Variants in DCC observed in about 807,000 individuals in gnomAD.
The protein encoded by DCC is netrin receptor DCC.
A neutral mutation model predicts 172.5 loss-of-function variants in DCC; 58 were observed. That is an observed-to-expected ratio of 0.34 (90% CI 0.27 to 0.42). The LOEUF is 0.42. Among genes scored for constraint, DCC ranks in the 10% least tolerant of loss-of-function variants. DCC has a pLI of 1.00. For synonymous variants in DCC, 709 were observed against 644.5 expected, an observed-to-expected ratio of 1.10 and a Z score of -1.52; for missense variants, 1,740 against 1,791.0, an observed-to-expected ratio of 0.97 and a Z score of 0.51.
At chr18:52,966,745 C>G (rs186206630) in intron 5 of DCC, among the ~76,000 whole-genome samples, 1 of 152,138 alleles carries the variant, frequency 6.6e-6, no homozygotes, top group African/African-American at 2.4e-5. Context: ...CCCTTTGCCC[C>G]TTCAGGCCTA....
At position 53,114,806 on chromosome 18, in the gene DCC, A is replaced by G. The variant is rs139903611; in HGVS notation, c.1262-42550A>G. ...GCTCCTTGATTACATTTATGGTTGG[A>G]TTCACAAATTTATAAAAATAAGCCA... On this transcript the variant is annotated intron_variant, in intron 7 of 28. Transcript: ENST00000442544. Among the ~76,000 whole-genome samples, 219 of 151,734 alleles carry G rather than the reference A, an allele frequency of 1.4e-3. 1 individual carries two copies. Among genetic ancestry groups the G allele is most frequent in the African/African-American group, 5.0e-3 (206 of 41,494 alleles).
intron 1 of DCC, among the ~76,000 whole-genome samples, chr18:52,417,241 C>T (rs576568634): frequency 0.029 from 4,459 of 152,178 alleles, 208 homozygotes; most frequent in African/African-American, 0.1. Context: ...CCGAGAGATC[C>T]GCTGTTAGTC....
At chr18:53,206,749 A>G (rs1372317097) in intron 10 of DCC, among the ~76,000 whole-genome samples, 1 of 150,412 alleles carries the variant, frequency 6.6e-6, no homozygotes, top group Non-Finnish European at 1.5e-5. Context: ...ACAGACATGT[A>G]TATATTCAAT....
chr18:52,969,309 C>T (rs2145582693), intron 5 of DCC, among the ~76,000 whole-genome samples: 1 of 145,742 alleles, frequency 6.9e-6, no homozygotes. Context: ...CTGAAATGAA[C>T]AAACAATCTT....
intron 5 of DCC, among the ~76,000 whole-genome samples, chr18:52,943,223 G>A (rs2040490845): frequency 1.3e-5 from 2 of 152,302 alleles, no homozygotes; most frequent in Middle Eastern, 3.4e-3. Context: ...ATGAAAGGCT[G>A]ATAGAGAATT....
intron 3 of DCC, 27 bp from the exon 4 acceptor site, chr18:52,923,680 A>C: frequency 1.9e-6 from 3 of 1,546,650 alleles, no homozygotes; most frequent in Non-Finnish European, 2.7e-6. Context: ...TTCATATATC[A>C]TATGATACTG....
At chr18:53,221,155 T>C (rs1049918337) in intron 12 of DCC, among the ~76,000 whole-genome samples, 1 of 151,168 alleles carries the variant, frequency 6.6e-6, no homozygotes, top group Non-Finnish European at 1.5e-5. Context: ...TACCATTTTT[T>C]AATTTAATTT....
At chr18:52,736,100 C>T (rs1243861944) in intron 1 of DCC, among the ~76,000 whole-genome samples, 1 of 152,050 alleles carries the variant, frequency 6.6e-6, no homozygotes, top group African/African-American at 2.4e-5. Context: ...ATTAATCCTA[C>T]ACAGGAATTC....
chr18:53,041,110 G>GCCTATGTCCTGAATGGTAT (rs1555699524), intron 5 of DCC, among the ~76,000 whole-genome samples: 33 of 150,866 alleles, frequency 2.2e-4, no homozygotes, highest in African/African-American at 7.0e-4. Context: ...GTCTTTGCCC[G>GCCTATGTCCTGAATGGTAT]TGCCTAGGTT....
intron 1 of DCC, among the ~76,000 whole-genome samples, chr18:52,349,520 C>T (rs776212724): frequency 6.6e-6 from 1 of 152,214 alleles, no homozygotes; most frequent in African/African-American, 2.4e-5. Flanking sequence ...GTTATTTTCT[C>T]TCTCTGGTTT....
At position 53,305,578 on chromosome 18, in the gene DCC, A is replaced by T. The variant is rs1568043370; in HGVS notation, c.1912A>T (p.Ser638Cys). ...TTAATTTACACCTATTATTTTACAG[A>T]GTATCAAAGTTAGCTGGCTGCCTCC... ...NVSLEVVNSRSIKVSWLPPPS... is the reference protein window; with the variant it reads ...NVSLEVVNSRCIKVSWLPPPS... Residue 638 changes from serine to cysteine, a missense_variant and splice_region_variant, in exon 13 of 29, where the codon AGT becomes TGT. Physicochemically the swap from Ser to Cys is moderately radical, Grantham distance 112 (BLOSUM62 -1). Coordinates refer to ENST00000442544, the MANE Select transcript of DCC (RefSeq NM_005215.4). 1 of 1,609,552 alleles carries T rather than the reference A, an allele frequency of 6.2e-7. No homozygotes were observed.
At chr18:53,261,329 T>A (rs1176092514) in intron 12 of DCC, among the ~76,000 whole-genome samples, 1 of 152,232 alleles carries the variant, frequency 6.6e-6, no homozygotes, top group Non-Finnish European at 1.5e-5. Context: ...CTGTTCCTAT[T>A]CAGCCATCTT....
chr18:53,237,321 A>G (rs2056221184), intron 12 of DCC: 2 of 153,084 alleles, frequency 1.3e-5, no homozygotes, highest in South Asian at 2.1e-4. Context: ...GGTACCTGCT[A>G]TCTGCCAGTA....
intron 1 of DCC, among the ~76,000 whole-genome samples, chr18:52,602,329 G>C (rs904419865): frequency 3.3e-5 from 5 of 151,518 alleles, no homozygotes; most frequent in Admixed American, 2.0e-4. Flanking sequence ...TGATCATATA[G>C]GGTCTTCTAC....
At chr18:53,487,814 A>G (rs1487968887) in intron 26 of DCC, among the ~76,000 whole-genome samples, 2 of 152,160 alleles carry the variant, frequency 1.3e-5, no homozygotes, top group South Asian at 2.1e-4. Flanking sequence ...ACTGCACATA[A>G]TATCTACAGA....
intron 1 of DCC, among the ~76,000 whole-genome samples, chr18:52,742,093 A>G (rs2036830638): frequency 6.6e-6 from 1 of 152,212 alleles, no homozygotes; most frequent in Non-Finnish European, 1.5e-5. Flanking sequence ...CTTACTGGCC[A>G]AGAAAAGAGG....
intron 20 of DCC, among the ~76,000 whole-genome samples, chr18:53,412,002 T>C (rs1910015119): frequency 6.6e-6 from 1 of 152,150 alleles, no homozygotes; most frequent in Non-Finnish European, 1.5e-5. Flanking sequence ...TGAGGAAAGG[T>C]TGAAGATGAC....
chr18:52,901,150 G>A (rs186153610), intron 2 of DCC, among the ~76,000 whole-genome samples: 104 of 152,120 alleles, frequency 6.8e-4, no homozygotes, highest in Middle Eastern at 3.4e-3. Flanking sequence ...TAACCATCAT[G>A]GGCTGTGTAC....
chr18:53,217,503 G>A (rs185394898), intron 12 of DCC, among the ~76,000 whole-genome samples: 1 of 152,202 alleles, frequency 6.6e-6, no homozygotes, highest in Non-Finnish European at 1.5e-5. Flanking sequence ...GCACTGGAAA[G>A]TCACACTCCC....
Sources: gnomAD v4.1 joint callset for allele counts (sites outside exome capture counted in the v4.1 genomes callset) on GRCh38, gnomAD v4.1.1 for gene constraint, MANE v1.5 for transcripts, NCBI Gene and HGNC (gene_info 2026-07-23, HGNC 2026-07-21) for gene names.